Variants in NETO1 observed in about 807,000 individuals in gnomAD.
The protein encoded by NETO1 is neuropilin and tolloid-like protein 1.
A neutral mutation model predicts 61.3 loss-of-function variants in NETO1; 26 were observed. The observed-to-expected ratio is 0.42, with a 90% CI of 0.31 to 0.59. The LOEUF (loss-of-function observed/expected upper bound fraction) is 0.59, where lower values mean the gene tolerates loss of function less well. Among genes scored for constraint, NETO1 ranks in the 20% least tolerant of loss-of-function variants. The pLI is 0.12. For synonymous variants in NETO1, 225 were observed against 225.8 expected (o/e 1.00, Z 0.03); for missense variants, 531 against 662.8 (o/e 0.80, Z 2.18).
At chr18:72,819,029 G>A (rs529542537) in intron 4 of NETO1, among the ~76,000 whole-genome samples, 15 of 152,142 alleles carry the variant, frequency 9.9e-5, no homozygotes, top group African/African-American at 3.4e-4. Context: ...ACTCTATAGA[G>A]CTGTCCTTTA....
rs115170658 is a variant in NETO1 at position 72,847,117 on chromosome 18, T to C, written c.469+11709A>G. Among the ~76,000 whole-genome samples, 605 of 152,360 alleles carry C rather than the reference T, an allele frequency of 4.0e-3. 1 individual carries two copies. Among genetic ancestry groups the C allele is most frequent in the African/African-American group, 0.012 (518 of 41,574 alleles). On this transcript the variant is annotated intron_variant, in intron 4 of 10. Transcript: ENST00000327305. ...TTTCTGAAGAAAAGTTCCCAGGGAA[T>C]AGAACAGTCTTCTGATTTGGGGTAT...
intron 7 of NETO1, among the ~76,000 whole-genome samples, chr18:72,769,709 T>C (rs1399998854): frequency 1.3e-5 from 2 of 152,276 alleles, no homozygotes; most frequent in East Asian, 3.9e-4. Context: ...TAAATGTTTA[T>C]CCCATGTAGT....
intron 7 of NETO1, among the ~76,000 whole-genome samples, chr18:72,772,129 A>G (rs1415994205): frequency 2.6e-5 from 4 of 152,274 alleles, no homozygotes; most frequent in Non-Finnish European, 4.4e-5. Flanking sequence ...CAGCTTCTAA[A>G]GATTGCTCAA....
intron 7 of NETO1, among the ~76,000 whole-genome samples, chr18:72,772,843 A>C (rs1204381030): frequency 0.047 from 1,686 of 36,232 alleles, 28 homozygotes; most frequent in African/African-American, 0.058. Context: ...ATATATATAT[A>C]TATATATATA....
At chr18:72,860,795 T>C (rs1170726261) in intron 3 of NETO1, among the ~76,000 whole-genome samples, 1 of 152,130 alleles carries the variant, frequency 6.6e-6, no homozygotes, top group Non-Finnish European at 1.5e-5. Context: ...AACCATGTTT[T>C]ATGCTTAAAG....
At chr18:72,748,871 T>A in intron 10 of NETO1, 143 bp downstream of exon 10, 1 of 668,552 alleles carries the variant, frequency 1.5e-6, no homozygotes, top group South Asian at 1.6e-5. Flanking sequence ...ACTGAACCCA[T>A]CGTATTTCTA....
chr18:72,834,589 C>T, intron 4 of NETO1: 1 of 982,010 alleles, frequency 1.0e-6, no homozygotes, highest in Non-Finnish European at 1.2e-6. Context: ...CACTATTACT[C>T]AGATCAAAGT....
intron 7 of NETO1, among the ~76,000 whole-genome samples, chr18:72,766,795 C>G (rs1215005251): frequency 6.6e-6 from 1 of 151,830 alleles, no homozygotes; most frequent in Non-Finnish European, 1.5e-5. Context: ...AAAATCTTTC[C>G]TTGTATGTGG....
intron 4 of NETO1, among the ~76,000 whole-genome samples, chr18:72,842,128 T>C (rs991167615): frequency 9.2e-5 from 14 of 152,192 alleles, no homozygotes; most frequent in African/African-American, 3.4e-4. Flanking sequence ...TTAATTGTTT[T>C]AAGGTATGCA....
At chr18:72,788,220 G>C (rs529412488) in intron 6 of NETO1, among the ~76,000 whole-genome samples, 2 of 152,256 alleles carry the variant, frequency 1.3e-5, no homozygotes, top group East Asian at 3.9e-4. Context: ...ACTAATTAGA[G>C]AGTAAGTGAA....
At chr18:72,860,081 T>C (rs757126798) in intron 3 of NETO1, among the ~76,000 whole-genome samples, 3 of 152,222 alleles carry the variant, frequency 2.0e-5, no homozygotes, top group Non-Finnish European at 2.9e-5. Flanking sequence ...ATTCTTCCCC[T>C]GGTACGTCCA....
intron 4 of NETO1, among the ~76,000 whole-genome samples, chr18:72,813,834 A>C (rs1443000015): frequency 6.6e-6 from 1 of 152,146 alleles, no homozygotes; most frequent in Non-Finnish European, 1.5e-5. Flanking sequence ...AGGGAGCAGA[A>C]AATGAAGGGC....
intron 4 of NETO1, among the ~76,000 whole-genome samples, chr18:72,814,763 C>T (rs9807569): frequency 0.15 from 22,650 of 151,866 alleles, 1,887 homozygotes; most frequent in Middle Eastern, 0.23. Flanking sequence ...CTACAAATAA[C>T]TGAGTTATTT....
intron 7 of NETO1, among the ~76,000 whole-genome samples, chr18:72,765,835 A>G (rs11662366): frequency 0.3 from 45,526 of 152,206 alleles, 8,009 homozygotes; most frequent in South Asian, 0.41. Flanking sequence ...CTTGAAAGAA[A>G]ATAAAACATT....
At chr18:72,805,128 C>T (rs2072632669) in intron 4 of NETO1, among the ~76,000 whole-genome samples, 2 of 152,090 alleles carry the variant, frequency 1.3e-5, no homozygotes, top group South Asian at 4.1e-4. Flanking sequence ...ACATGCAGCA[C>T]CAATATTTAA....
At chr18:72,864,499 T>C (rs910386239) in intron 3 of NETO1, among the ~76,000 whole-genome samples, 1 of 152,238 alleles carries the variant, frequency 6.6e-6, no homozygotes, top group Non-Finnish European at 1.5e-5. Context: ...ACAGTTAATA[T>C]TGTGCCAACT....
intron 4 of NETO1, among the ~76,000 whole-genome samples, chr18:72,816,122 C>T (rs2145249211): frequency 6.6e-6 from 1 of 151,958 alleles, no homozygotes; most frequent in South Asian, 2.1e-4. Flanking sequence ...CTGCAATTCT[C>T]TATCTCTCCA....
At chr18:72,790,934 A>G (rs943683567) in intron 6 of NETO1, among the ~76,000 whole-genome samples, 1 of 152,254 alleles carries the variant, frequency 6.6e-6, no homozygotes, top group Admixed American at 6.5e-5. Flanking sequence ...GTCTCCCATC[A>G]TTTCATTCTG....
intron 4 of NETO1, among the ~76,000 whole-genome samples, chr18:72,803,532 T>TA: frequency 6.6e-6 from 1 of 152,156 alleles, no homozygotes; most frequent in Non-Finnish European, 1.5e-5. Context: ...GCTCTTAAAA[T>TA]ACTCTCCTGG....
Sources: allele counts gnomAD v4.1 joint callset (sites outside exome capture counted in the v4.1 genomes callset), GRCh38; gene constraint gnomAD v4.1.1; transcripts MANE v1.5; gene names NCBI Gene and HGNC (gene_info 2026-07-23, HGNC 2026-07-21).